Variants in CHERP observed in about 807,000 individuals in gnomAD.
The protein encoded by CHERP is calcium homeostasis endoplasmic reticulum protein.
Under a neutral mutation model 113.8 loss-of-function variants are expected in CHERP, and 8 were observed. The observed-to-expected ratio is 0.07, with a 90% confidence interval of 0.04 to 0.13. CHERP has a LOEUF of 0.13. Ranked by LOEUF, CHERP falls within the 10% of genes least tolerant of loss-of-function variation. CHERP has a pLI of 1.00. For synonymous variants in CHERP, 559 were observed against 524.5 expected (o/e 1.07, Z -0.90); for missense variants, 884 against 1,298.2 (o/e 0.68, Z 4.90).
At position 16,538,423 on chromosome 19, in the gene CHERP, G is replaced by A. The variant is rs565005222; in HGVS notation, c.200-2787C>T. 3.1e-4 allele frequency among the ~76,000 whole-genome samples: 47 copies of A among 152,244 alleles called. 1 individual carries two copies. The highest frequency in any genetic ancestry group is 4.4e-5 in the Non-Finnish European group (3 of 68,028). ...TTCTTGGCTGGGTACGATGGCTCACGCCTGTAATCCCAGCACTTTGGGAAG... is the reference window on the plus strand; with the variant it reads ...TTCTTGGCTGGGTACGATGGCTCACACCTGTAATCCCAGCACTTTGGGAAG... On this transcript the variant is annotated intron_variant, in intron 2 of 16. Coordinates refer to ENST00000546361, the MANE Select transcript of CHERP (RefSeq NM_006387.6).
chr19:16,522,935 T>A, intron 11 of CHERP, 117 bp downstream of exon 11: 2 of 1,185,072 alleles, frequency 1.7e-6, no homozygotes, highest in Non-Finnish European at 2.3e-6. Context: ...CCCTAGGGAG[T>A]GGGAGATGAA....
chr19:16,525,686 G>T lies in CHERP; in HGVS notation c.1306-9C>A, dbSNP rs1402517570. 6.7e-7 allele frequency: 1 copy of T among 1,503,694 alleles called. No homozygotes were observed. The highest frequency in any genetic ancestry group is 1.3e-5 in the South Asian group (1 of 79,684). 93.1% of individuals were successfully genotyped at this position (1,503,694 alleles called of 1,614,324 possible). On this transcript the variant is annotated splice_polypyrimidine_tract_variant and intron_variant, in intron 9 of 16. Coordinates refer to ENST00000546361, the MANE Select transcript of CHERP (RefSeq NM_006387.6). This position sits in a 1 kb window ranked among gnomAD's most constrained non-coding sequence, Gnocchi z 6.5. ...GGTGGCTGCTCTGGCGGCTGCAAGG[G>T]AAGGGACAGGCTTGAGCCCTGCGTG...
At position 16,542,382 on chromosome 19, in the gene CHERP, TC is replaced by T; in HGVS notation, c.-5del. 1 of 1,366,268 alleles carries T rather than the reference TC, an allele frequency of 7.3e-7. No individual in the cohort carries two copies. The highest frequency in any genetic ancestry group is 9.5e-7 in the Non-Finnish European group (1 of 1,051,958). 84.6% of individuals were successfully genotyped at this position (1,366,268 alleles called of 1,614,324 possible). On this transcript the variant is annotated 5_prime_UTR_variant, in exon 1 of 17. Coordinates refer to ENST00000546361, the MANE Select transcript of CHERP (RefSeq NM_006387.6). Reference sequence around the variant, plus strand: ...CGGGGGGCAGCGGCATCTCCATGGCTCCGGCCGCGGGGAACGTCCTCCGGCG... The same window carrying T: ...CGGGGGGCAGCGGCATCTCCATGGCTCGGCCGCGGGGAACGTCCTCCGGCG...
chr19:16,527,151 C>T (rs998844608), intron 9 of CHERP, among the ~76,000 whole-genome samples: 6 of 152,166 alleles, frequency 3.9e-5, no homozygotes, highest in Non-Finnish European at 8.8e-5. Context: ...GTCCTGAGCC[C>T]AACCCTCTGG....
At chr19:16,539,243 G>T (rs2085761419) in intron 2 of CHERP, among the ~76,000 whole-genome samples, 1 of 151,146 alleles carries the variant, frequency 6.6e-6, no homozygotes, top group African/African-American at 2.4e-5. Flanking sequence ...TGCCTCCCAG[G>T]TTCACGCCAT....
chr19:16,522,665 C>T (rs983287050), intron 11 of CHERP, among the ~76,000 whole-genome samples: 10 of 152,182 alleles, frequency 6.6e-5, no homozygotes, highest in African/African-American at 2.2e-4. Context: ...ACCCCCCTCC[C>T]TGTGTGCTTG....
rs1460805257 is a variant in CHERP at position 16,532,939 on chromosome 19, T to C, written c.522+72A>G. On this transcript the variant is annotated intron_variant, in intron 4 of 16. Transcript: ENST00000546361. The surrounding 1 kb of genome is among the most constrained non-coding windows in gnomAD (Gnocchi z 4.4). ...CCATTGTAACAGCCCTTAGCCCAGA[T>C]TGGCTACGACAGGCCCTGCCTCAGG... 1.9e-5 allele frequency: 30 copies of C among 1,540,398 alleles called. No individual in the cohort carries two copies. The highest frequency in any genetic ancestry group is 1.7e-4 in the Middle Eastern group (1 of 5,928).
Position 16,535,786 on chromosome 19 carries a change from G to T in CHERP, c.200-150C>A. On this transcript the variant is annotated intron_variant, in intron 2 of 16. Coordinates refer to ENST00000546361, the MANE Select transcript of CHERP (RefSeq NM_006387.6). The surrounding 1 kb of genome is among the most constrained non-coding windows in gnomAD (Gnocchi z 4.3). ...CATAGCCTCATGCCCACGCAAACCAGCTCCTCCTAGTCTCGGGTCCTGCCC... is the reference window on the plus strand; with the variant it reads ...CATAGCCTCATGCCCACGCAAACCATCTCCTCCTAGTCTCGGGTCCTGCCC... 1 of 711,218 alleles carries T rather than the reference G, an allele frequency of 1.4e-6. No homozygotes were observed. Among genetic ancestry groups the T allele is most frequent in the Non-Finnish European group, 2.2e-6 (1 of 448,066 alleles). 44.1% of individuals were successfully genotyped at this position (711,218 alleles called of 1,614,324 possible).
chr19:16,532,871 G>A lies in CHERP; in HGVS notation c.523-122C>T. On this transcript the variant is annotated intron_variant, in intron 4 of 16. Coordinates refer to ENST00000546361, the MANE Select transcript of CHERP (RefSeq NM_006387.6). The surrounding 1 kb of genome is among the most constrained non-coding windows in gnomAD (Gnocchi z 4.4). ...ACACACCATGAGCGTGGGGGGCACA[G>A]GGTCCCACAGCCTCAGGAGCTCCAG... 8 of 1,524,554 alleles carry A rather than the reference G, an allele frequency of 5.2e-6. No individual in the cohort carries two copies. Among genetic ancestry groups the A allele is most frequent in the South Asian group, 1.3e-5 (1 of 79,252 alleles). 94.4% of individuals were successfully genotyped at this position (1,524,554 alleles called of 1,614,324 possible). A position where few individuals can be genotyped will look rare whatever the true frequency, so the allele number is the denominator to read the frequency against.
chr19:16,535,394 A>G lies in CHERP; in HGVS notation c.384+58T>C. 6.4e-7 allele frequency: 1 copy of G among 1,559,192 alleles called. No homozygotes were observed. The highest frequency in any genetic ancestry group is 1.9e-5 in the Admixed American group (1 of 53,700). The stretch of plus-strand genomic sequence containing the variant: ...GTTATTCATTCTGATGAGCAGACGC[A>G]AAAACAGAGGCACAGGGGAGCTGCT... On this transcript the variant is annotated intron_variant, in intron 3 of 16. Coordinates refer to ENST00000546361, the MANE Select transcript of CHERP (RefSeq NM_006387.6). The surrounding 1 kb of genome is among the most constrained non-coding windows in gnomAD (Gnocchi z 4.3).
intron 2 of CHERP, among the ~76,000 whole-genome samples, chr19:16,538,212 C>A (rs919926128): frequency 2.0e-5 from 3 of 152,158 alleles, no homozygotes; most frequent in Non-Finnish European, 2.9e-5. Context: ...CAATTCTGCA[C>A]CCCCACCTCT....
chr19:16,536,703 C>G (rs138498853), intron 2 of CHERP, among the ~76,000 whole-genome samples: 2 of 152,300 alleles, frequency 1.3e-5, no homozygotes, highest in Non-Finnish European at 2.9e-5. Context: ...CCCTCTTTAC[C>G]CGTCCCTCCC....
rs775906857 is a variant in CHERP, at chr19:16,519,596, C to A, written c.2557+25G>T. On this transcript the variant is annotated intron_variant, in intron 16 of 16. Coordinates refer to ENST00000546361, the MANE Select transcript of CHERP (RefSeq NM_006387.6). The surrounding 1 kb of genome is among the most constrained non-coding windows in gnomAD (Gnocchi z 6.0). ...CCAGCACGCGTGAGGACCCATCCCGCGCCCTCCCCATTCCCTCGCCTTACC... is the reference window on the plus strand; with the variant it reads ...CCAGCACGCGTGAGGACCCATCCCGAGCCCTCCCCATTCCCTCGCCTTACC... 2.5e-6 allele frequency: 4 copies of A among 1,587,810 alleles called. No homozygotes were observed. Among genetic ancestry groups the A allele is most frequent in the African/African-American group, 1.3e-5 (1 of 74,374 alleles).
At chr19:16,537,275 C>A (rs755024637) in intron 2 of CHERP, among the ~76,000 whole-genome samples, 4 of 151,818 alleles carry the variant, frequency 2.6e-5, no homozygotes, top group Non-Finnish European at 4.4e-5. Flanking sequence ...TGTTCGCCCC[C>A]TCAGTCCCTT....
In CHERP at chr19:16,535,697, T is replaced by A; in HGVS notation, c.200-61A>T. 1 of 1,408,152 alleles carries A rather than the reference T, an allele frequency of 7.1e-7. No homozygotes were observed. The highest frequency in any genetic ancestry group is 9.4e-7 in the Non-Finnish European group (1 of 1,068,962). 87.2% of individuals were successfully genotyped at this position (1,408,152 alleles called of 1,614,324 possible). A position where few individuals can be genotyped will look rare whatever the true frequency, so the allele number is the denominator to read the frequency against. The stretch of plus-strand genomic sequence containing the variant: ...GCAGATGGGGGTCTAGGTGTCCCCT[T>A]GGCCACCTCTCAGCCACAGGGGCCT... On this transcript the variant is annotated intron_variant, in intron 2 of 16. Coordinates refer to ENST00000546361, the MANE Select transcript of CHERP (RefSeq NM_006387.6). This position sits in a 1 kb window ranked among gnomAD's most constrained non-coding sequence, Gnocchi z 4.3.
Position 16,528,128 on chromosome 19 carries a change from G to A in CHERP, c.1257C>T (p.Pro419=), listed in dbSNP as rs1364810315. 1.9e-6 allele frequency: 3 copies of A among 1,613,682 alleles called. No individual in the cohort carries two copies. The highest frequency in any genetic ancestry group is 2.5e-6 in the Non-Finnish European group (3 of 1,179,978). ...CGGGGTGAGGCTGGTCAAACCAAGG[G>A]GGCTTGTTTGGTGGGATCTGGTCGT... ...GPHDQIPPNK[P]PWFDQPHPVA... Residue 419 remains proline (P), a synonymous_variant, in exon 9 of 17, where the codon CCC becomes CCT. Coordinates refer to ENST00000546361, the MANE Select transcript of CHERP (RefSeq NM_006387.6).
chr19:16,528,724 T>A (rs1411407655), intron 8 of CHERP, among the ~76,000 whole-genome samples: 1 of 152,152 alleles, frequency 6.6e-6, no homozygotes, highest in East Asian at 1.9e-4. Flanking sequence ...GAGGCTGAGG[T>A]GGGTGGATCC....
rs1332098519 is a variant in CHERP, at chr19:16,535,592, T to G, written c.244A>C (p.Met82Leu). The stretch of plus-strand genomic sequence containing the variant: ...AGCGGGGGCTGTGGCAGGGGTGGCA[T>G]GGTGGCGGCTGGCTCCAGCTCCGGG... ...QTPELEPAAT[M>L]PPLPQPPLAP... Residue 82 changes from methionine to leucine, a missense_variant, in exon 3 of 17, where the codon ATG becomes CTG. This residue lies in a region of CHERP where 109 missense variants were observed against 134.2 expected (regional missense o/e 0.81). Transcript: ENST00000546361. This position sits in a 1 kb window ranked among gnomAD's most constrained non-coding sequence, Gnocchi z 4.3. 1 of 1,546,350 alleles carries G rather than the reference T, an allele frequency of 6.5e-7. No homozygotes were observed. Among genetic ancestry groups the G allele is most frequent in the Non-Finnish European group, 8.7e-7 (1 of 1,147,434 alleles).
Position 16,525,078 on chromosome 19 carries a change from C to G in CHERP, c.1741+164G>C, listed in dbSNP as rs1469379709. On this transcript the variant is annotated intron_variant, in intron 10 of 16. Transcript: ENST00000546361. The surrounding 1 kb of genome is among the most constrained non-coding windows in gnomAD (Gnocchi z 6.5). Reference sequence around the variant, plus strand: ...GGCGGCAAAACTGAGTCTGTGCCCCCACTTCCTGAGAACCCAGGCCGGGCT... The same window carrying G: ...GGCGGCAAAACTGAGTCTGTGCCCCGACTTCCTGAGAACCCAGGCCGGGCT... Among the ~76,000 whole-genome samples, 2 of 152,308 alleles carry G rather than the reference C, an allele frequency of 1.3e-5. No individual in the cohort carries two copies. Among genetic ancestry groups the G allele is most frequent in the East Asian group, 3.9e-4 (2 of 5,174 alleles).
Sources: gnomAD v4.1 joint callset for allele counts (sites outside exome capture counted in the v4.1 genomes callset) on GRCh38, gnomAD v4.1.1 for gene constraint, gnomAD v4.1.1 regional missense constraint, Gnocchi (gnomAD v3.1) non-coding constraint, MANE v1.5 for transcripts, NCBI Gene and HGNC (gene_info 2026-07-23, HGNC 2026-07-21) for gene names.